Variants in SHPRH observed in about 807,000 individuals in gnomAD.
SHPRH encodes SNF2 histone linker PHD RING helicase.
In SHPRH, 106 loss-of-function variants were observed where a neutral mutation model predicts 202.5. That is an observed-to-expected ratio of 0.52 (90% CI 0.45 to 0.62). The LOEUF (loss-of-function observed/expected upper bound fraction) is 0.62. Among genes scored for constraint, SHPRH ranks in the 20% least tolerant of loss-of-function variants. The probability of loss-of-function intolerance (pLI) is 0.00; values close to 1 mark genes in which losing one functional copy is unlikely to be tolerated. For missense variants in SHPRH, 1,710 were observed against 2,020.0 expected (o/e 0.85, Z 2.94); for synonymous variants, 729 against 686.0 (o/e 1.06, Z -0.98).
chr6:145,901,468 T>C (rs1782500226), intron 25 of SHPRH, among the ~76,000 whole-genome samples: 2 of 152,218 alleles, frequency 1.3e-5, no homozygotes, highest in South Asian at 4.1e-4. Flanking sequence ...ATGGGTTACA[T>C]ATAGGCAAGG....
chr6:145,920,732 A>G (rs974863949), intron 21 of SHPRH, among the ~76,000 whole-genome samples: 8 of 152,078 alleles, frequency 5.3e-5, no homozygotes, highest in African/African-American at 1.7e-4. Context: ...ATGAAAGGGC[A>G]TATCGGGCTT....
Position 145,943,697 on chromosome 6 carries a change from GATC to G in SHPRH, c.1681_1683del (p.Asp561del), listed in dbSNP as rs772702479. 3 of 1,613,398 alleles carry G rather than the reference GATC, an allele frequency of 1.9e-6. No homozygotes were observed. Among genetic ancestry groups the G allele is most frequent in the Non-Finnish European group, 2.5e-6 (3 of 1,179,668 alleles). On this transcript the variant is annotated inframe_deletion, in exon 9 of 30. Transcript: ENST00000275233. ...CTGGACTTATAATAATAATAGTAAG[GATC>G]ATCATCATCATCAGAGGTGTCTGAT... is the stretch of plus-strand genomic sequence containing the variant.
chr6:145,889,774 A>G (rs976372269), intron 28 of SHPRH, among the ~76,000 whole-genome samples: 2 of 152,206 alleles, frequency 1.3e-5, no homozygotes, highest in Non-Finnish European at 2.9e-5. Context: ...CAACCTGTAC[A>G]AGGGAAATGT....
chr6:145,934,026 C>T (rs960525291), intron 13 of SHPRH, among the ~76,000 whole-genome samples: 1 of 152,046 alleles, frequency 6.6e-6, no homozygotes, highest in Admixed American at 6.6e-5. Flanking sequence ...AAAACCTCAA[C>T]AATAATCCTA....
In SHPRH at chr6:145,935,264, C is replaced by G; in HGVS notation, c.2733+14G>C. 4 of 1,612,942 alleles carry G rather than the reference C, an allele frequency of 2.5e-6. No individual in the cohort carries two copies. The highest frequency in any genetic ancestry group is 3.4e-6 in the Non-Finnish European group (4 of 1,179,660). On this transcript the variant is annotated intron_variant, in intron 12 of 29. Coordinates refer to ENST00000275233, the MANE Select transcript of SHPRH (RefSeq NM_001042683.3). ...CTTATAGTACCTTTATCAATAAAAA[C>G]TTATTGTACTGACTTGGTCAATCAC...
At chr6:145,869,819 CTTT>C (rs71028375) in intron 2 of SHPRH, among the ~76,000 whole-genome samples, 14 of 134,574 alleles carry the variant, frequency 1.0e-4, no homozygotes, top group Non-Finnish European at 1.6e-4. Flanking sequence ...TTTTTCTTTT[CTTT>C]TTTTTTTTTT....
At chr6:145,934,366 T>TG (rs1785816129) in intron 13 of SHPRH, among the ~76,000 whole-genome samples, 1 of 150,968 alleles carries the variant, frequency 6.6e-6, no homozygotes. Flanking sequence ...CTTGGAGGGG[T>TG]GGGGCAGGAG....
chr6:145,922,216 T>C (rs1163644454), intron 20 of SHPRH, 70 bp downstream of exon 20: 4 of 1,323,980 alleles, frequency 3.0e-6, no homozygotes, highest in Non-Finnish European at 4.2e-6. Flanking sequence ...AACATAGTCT[T>C]ATATCACATA....
intron 26 of SHPRH, among the ~76,000 whole-genome samples, chr6:145,894,527 C>A (rs937157706): frequency 5.4e-5 from 8 of 149,054 alleles, no homozygotes; most frequent in Admixed American, 1.3e-4. Flanking sequence ...ACTTAGTTTT[C>A]GAAAATGAAA....
chr6:145,905,352 AAAG>A (rs1782867707), intron 25 of SHPRH: 1 of 152,144 alleles, frequency 6.6e-6, no homozygotes, highest in Non-Finnish European at 1.5e-5. Context: ...CAGGCAGGAT[AAAG>A]AATAACTGTC....
intron 1 of SHPRH, among the ~76,000 whole-genome samples, chr6:145,956,017 A>G (rs1017386097): frequency 4.6e-5 from 7 of 152,152 alleles, no homozygotes; most frequent in Admixed American, 2.6e-4. Flanking sequence ...CGAAAAACAC[A>G]TTGTATGAGA....
intron 25 of SHPRH, chr6:145,903,469 A>G (rs547211777): frequency 6.6e-6 from 1 of 152,142 alleles, no homozygotes; most frequent in Non-Finnish European, 1.5e-5. Flanking sequence ...AGATATCTCT[A>G]TTATCAAGAG....
chr6:145,944,465 T>C (rs902713797), intron 8 of SHPRH, among the ~76,000 whole-genome samples: 8 of 151,764 alleles, frequency 5.3e-5, no homozygotes, highest in African/African-American at 1.9e-4. Context: ...AGGTAGTTAA[T>C]AGGGACAGCT....
intron 2 of SHPRH, 143 bp downstream of exon 2, chr6:145,954,547 G>T: frequency 1.2e-6 from 1 of 816,382 alleles, no homozygotes; most frequent in Non-Finnish European, 1.9e-6. Flanking sequence ...ACTTTGAATA[G>T]TTATTAAAAG....
At chr6:145,910,784 A>G (rs1783423351) in intron 24 of SHPRH, 148 bp from the exon 25 acceptor site, 1 of 765,926 alleles carries the variant, frequency 1.3e-6, no homozygotes, top group Non-Finnish European at 1.9e-6. Context: ...CTTCAAATTA[A>G]TTTTTTATTC....
In SHPRH at chr6:145,943,105, T is replaced by C. The variant is rs144611317; in HGVS notation, c.2238+38A>G. 5.9e-5 allele frequency: 90 copies of C among 1,521,628 alleles called. No individual in the cohort carries two copies. In the African/African-American group the frequency reaches 1.1e-3, roughly 19 times the overall value. The allele number at this position is 1,521,628 out of a possible 1,614,324, so 94.3% of individuals were successfully genotyped here. A position where few individuals can be genotyped will look rare whatever the true frequency, so the allele number is the denominator to read the frequency against. On this transcript the variant is annotated intron_variant, in intron 9 of 29. Coordinates refer to ENST00000275233, the MANE Select transcript of SHPRH (RefSeq NM_001042683.3). ...AAACTATCATGAAGAAGCAAAACTT[T>C]ACATTTTCCTCTCCCTCTTTAGTCC...
chr6:145,943,120 C>T, intron 9 of SHPRH, 23 bp downstream of exon 9: 1 of 1,537,416 alleles, frequency 6.5e-7, no homozygotes, highest in Non-Finnish European at 8.7e-7. Flanking sequence ...TTTCCTCTCC[C>T]TCTTTAGTCC....
downstream of SHPRH, chr6:145,883,174 T>C (rs1780713587): frequency 6.6e-6 from 1 of 152,188 alleles, no homozygotes; most frequent in African/African-American, 2.4e-5. Flanking sequence ...ATACAGATAA[T>C]GGAGGCTGTT....
intron 2 of SHPRH, among the ~76,000 whole-genome samples, chr6:145,875,106 T>TA (rs1390430589): frequency 6.6e-6 from 1 of 152,178 alleles, no homozygotes; most frequent in Non-Finnish European, 1.5e-5. Flanking sequence ...ATGCAAATAT[T>TA]AAAAAATCTG....
Sources: gnomAD v4.1 joint callset for allele counts (sites outside exome capture counted in the v4.1 genomes callset) on GRCh38, gnomAD v4.1.1 for gene constraint, MANE v1.5 for transcripts, NCBI Gene and HGNC (gene_info 2026-07-23, HGNC 2026-07-21) for gene names.